The following SNTG1 variants were observed in gnomAD, a reference collection of about 807,000 sequenced individuals.
SNTG1 encodes gamma-1-syntrophin.
Under a neutral mutation model 74.7 loss-of-function variants are expected in SNTG1, and 39 were observed. That is an observed-to-expected ratio of 0.52 (90% CI 0.40 to 0.68). SNTG1 has a LOEUF of 0.68. SNTG1 is among the 30% of genes least tolerant of loss of function. SNTG1 has a pLI of 0.00. For missense variants in SNTG1, 685 were observed against 609.5 expected (o/e 1.12, Z -1.30); for synonymous variants, 254 against 217.1 (o/e 1.17, Z -1.49).
chr8:50,146,634 G>A (rs1241735123), intron 1 of SNTG1, among the ~76,000 whole-genome samples: 1 of 152,194 alleles, frequency 6.6e-6, no homozygotes, highest in East Asian at 1.9e-4. Flanking sequence ...CTGTCATCCA[G>A]AGTGGCTATG....
chr8:49,913,060 A>G (rs536029730), intron 1 of SNTG1, among the ~76,000 whole-genome samples: 18 of 152,198 alleles, frequency 1.2e-4, no homozygotes, highest in Non-Finnish European at 2.6e-4. Context: ...TAAAATTACA[A>G]TCTTTCACAG....
At chr8:49,976,238 G>A (rs1177368010) in intron 1 of SNTG1, among the ~76,000 whole-genome samples, 2 of 152,120 alleles carry the variant, frequency 1.3e-5, no homozygotes, top group African/African-American at 4.8e-5. Context: ...GTGGAAAATG[G>A]AAAGAAATAG....
rs2131625470 is a variant in SNTG1, at chr8:50,450,878, T to C, written c.363+149T>C. Reference sequence around the variant, plus strand: ...TTTCAAATGTTCTCTTAATTTTTTTTTAAATTAGAAATAGATTAACGAGTC... The same window carrying C: ...TTTCAAATGTTCTCTTAATTTTTTTCTAAATTAGAAATAGATTAACGAGTC... On this transcript the variant is annotated intron_variant, in intron 8 of 18. Coordinates refer to ENST00000642720, the MANE Select transcript of SNTG1 (RefSeq NM_018967.5). 1.4e-5 allele frequency: 11 copies of C among 778,962 alleles called. No individual in the cohort carries two copies. The South Asian group carries it at 2.1e-4, about 15-fold the overall frequency. 48.3% of individuals were successfully genotyped at this position (778,962 alleles called of 1,614,324 possible).
At chr8:50,560,808 C>G (rs1316998724) in intron 12 of SNTG1, among the ~76,000 whole-genome samples, 1 of 152,216 alleles carries the variant, frequency 6.6e-6, no homozygotes, top group South Asian at 2.1e-4. Flanking sequence ...AGCAAACCAC[C>G]ATGGCACATG....
intron 18 of SNTG1, among the ~76,000 whole-genome samples, chr8:50,767,961 C>A (rs937163757): frequency 1.3e-5 from 2 of 151,974 alleles, no homozygotes. Context: ...GTGTACACAG[C>A]ATATTCGTCT....
intron 1 of SNTG1, among the ~76,000 whole-genome samples, chr8:49,999,940 AG>A (rs1198209823): frequency 6.6e-6 from 1 of 152,164 alleles, no homozygotes; most frequent in Non-Finnish European, 1.5e-5. Flanking sequence ...TTGTATTCCC[AG>A]GGCCTCGATC....
intron 2 of SNTG1, among the ~76,000 whole-genome samples, chr8:50,240,618 C>T (rs921497117): frequency 2.0e-5 from 3 of 152,080 alleles, no homozygotes; most frequent in Non-Finnish European, 4.4e-5. Flanking sequence ...GGGAAACAAG[C>T]GGCACAGAGG....
intron 5 of SNTG1, 33 bp downstream of exon 5, chr8:50,438,632 G>T (rs1329272839): frequency 1.3e-6 from 2 of 1,566,792 alleles, no homozygotes; most frequent in African/African-American, 2.7e-5. Flanking sequence ...CCTTACAAAG[G>T]CCATGCCATA....
intron 17 of SNTG1, among the ~76,000 whole-genome samples, chr8:50,732,865 T>G (rs2131626315): frequency 6.6e-6 from 1 of 152,176 alleles, no homozygotes; most frequent in South Asian, 2.1e-4. Context: ...CCTATGGTTG[T>G]TAACAAAAAT....
At chr8:50,531,164 T>TTCCCTA (rs1229984944) in intron 10 of SNTG1, among the ~76,000 whole-genome samples, 1 of 152,184 alleles carries the variant, frequency 6.6e-6, no homozygotes, top group Non-Finnish European at 1.5e-5. Flanking sequence ...GGTACCTGAT[T>TTCCCTA]TCCCTAGTAT....
At chr8:50,371,444 A>G (rs2131152089) in intron 2 of SNTG1, among the ~76,000 whole-genome samples, 1 of 152,298 alleles carries the variant, frequency 6.6e-6, no homozygotes, top group South Asian at 2.1e-4. Flanking sequence ...GCTCCTGCCA[A>G]GTTCACTGTG....
chr8:50,630,425 G>A (rs2094988914), intron 13 of SNTG1, among the ~76,000 whole-genome samples: 1 of 152,158 alleles, frequency 6.6e-6, no homozygotes, highest in Non-Finnish European at 1.5e-5. Flanking sequence ...TTGGGGTTAT[G>A]CCAACCAAAT....
intron 2 of SNTG1, among the ~76,000 whole-genome samples, chr8:50,324,176 G>C (rs2090642178): frequency 6.6e-6 from 1 of 152,170 alleles, no homozygotes; most frequent in African/African-American, 2.4e-5. Flanking sequence ...AGCTAGGGCT[G>C]GTAAATATTT....
chr8:50,712,774 C>G (rs2095465305), intron 17 of SNTG1, among the ~76,000 whole-genome samples: 1 of 151,922 alleles, frequency 6.6e-6, no homozygotes, highest in Non-Finnish European at 1.5e-5. Flanking sequence ...CTGTTCCTGT[C>G]TTAGTTTGCT....
intron 11 of SNTG1, 92 bp from the exon 12 acceptor site, chr8:50,552,958 A>G (rs2094435574): frequency 6.8e-7 from 1 of 1,462,668 alleles, no homozygotes; most frequent in Admixed American, 2.1e-5. Context: ...TTTATATTGT[A>G]TGAAAGATAA....
At chr8:50,463,818 C>A (rs1419005469) in intron 8 of SNTG1, among the ~76,000 whole-genome samples, 2 of 152,204 alleles carry the variant, frequency 1.3e-5, no homozygotes, top group African/African-American at 4.8e-5. Flanking sequence ...ACATTGACTT[C>A]TCCTCTCTAG....
intron 2 of SNTG1, among the ~76,000 whole-genome samples, chr8:50,388,399 C>G (rs1043296732): frequency 1.3e-5 from 2 of 152,086 alleles, no homozygotes. Context: ...CATGGACTAC[C>G]AGTGTTCTTG....
intron 2 of SNTG1, among the ~76,000 whole-genome samples, chr8:50,260,029 A>T (rs978680367): frequency 2.6e-5 from 4 of 152,186 alleles, no homozygotes; most frequent in Non-Finnish European, 5.9e-5. Flanking sequence ...TTCACCAAAA[A>T]GATTGGAGAA....
chr8:50,167,280 A>T (rs1428833071), intron 1 of SNTG1, among the ~76,000 whole-genome samples: 1 of 148,944 alleles, frequency 6.7e-6, no homozygotes, highest in Non-Finnish European at 1.5e-5. Flanking sequence ...AATAATAATA[A>T]TAAAAAAAGA....
Sources: gnomAD v4.1 joint callset for allele counts (sites outside exome capture counted in the v4.1 genomes callset) on GRCh38, gnomAD v4.1.1 for gene constraint, MANE v1.5 for transcripts, NCBI Gene and HGNC (gene_info 2026-07-23, HGNC 2026-07-21) for gene names.